ZFHX3: variants seen among roughly 807,000 people sequenced by gnomAD.
ZFHX3 encodes zinc finger homeobox 3.
A neutral mutation model predicts 279.1 loss-of-function variants in ZFHX3; 42 were observed. That is an observed-to-expected ratio of 0.15 (90% CI 0.12 to 0.19). The LOEUF is 0.19. Ranked by LOEUF, ZFHX3 falls within the 10% of genes least tolerant of loss-of-function variation. ZFHX3 has a pLI of 1.00. For missense variants in ZFHX3, 4,981 were observed against 4,754.0 expected (o/e 1.05, Z -1.40); for synonymous variants, 2,293 against 1,957.8 (o/e 1.17, Z -4.52).
intron 2 of ZFHX3, among the ~76,000 whole-genome samples, chr16:73,550,514 C>A (rs1046308442): frequency 5.9e-5 from 9 of 152,122 alleles, no homozygotes; most frequent in Admixed American, 1.3e-4. Flanking sequence ...TAAAACAGAA[C>A]TAAAACTAGT....
intron 1 of ZFHX3, among the ~76,000 whole-genome samples, chr16:73,024,487 TC>T (rs1964423548): frequency 6.6e-6 from 1 of 152,200 alleles, no homozygotes; most frequent in African/African-American, 2.4e-5. Context: ...ATTCTTCCTG[TC>T]CCTGATCTCC....
At position 73,801,461 on chromosome 16, in the gene ZFHX3, T is replaced by C. The variant is rs182487695; in HGVS notation, c.-1608+90190A>G. Among the ~76,000 whole-genome samples the C allele has an allele frequency of 7.2e-5, 11 of 152,300 alleles. No individual in the cohort carries two copies. The East Asian group carries it at 1.9e-3, about 27-fold the overall frequency. On this transcript the variant is annotated intron_variant, in intron 1 of 17. Transcript: ENST00000641206. ...CTACTGGTCCTCCAAAAAAATTGGTTTGCAACTAATTCTGCCAGCCAGGAG... is the reference window on the plus strand; with the variant it reads ...CTACTGGTCCTCCAAAAAAATTGGTCTGCAACTAATTCTGCCAGCCAGGAG...
At chr16:72,902,852 C>A (rs1191379082) in intron 3 of ZFHX3, among the ~76,000 whole-genome samples, 1 of 152,178 alleles carries the variant, frequency 6.6e-6, no homozygotes, top group African/African-American at 2.4e-5. Flanking sequence ...AAGGCTGAAC[C>A]TCAAAGTCTG....
chr16:73,186,426 T>C (rs1432643435), intron 5 of ZFHX3, among the ~76,000 whole-genome samples: 1 of 152,026 alleles, frequency 6.6e-6, no homozygotes, highest in Non-Finnish European at 1.5e-5. Context: ...GACAATAGCA[T>C]TTGCCTCGTA....
At chr16:73,590,717 G>C (rs762299307) in intron 2 of ZFHX3, among the ~76,000 whole-genome samples, 1 of 152,132 alleles carries the variant, frequency 6.6e-6, no homozygotes, top group African/African-American at 2.4e-5. Context: ...ATTTTGTTTA[G>C]TTTTGTTTTG....
At chr16:72,914,801 G>C (rs945114327) in intron 3 of ZFHX3, among the ~76,000 whole-genome samples, 20 of 152,048 alleles carry the variant, frequency 1.3e-4, no homozygotes, top group Admixed American at 6.6e-5. Context: ...GACAAGCTTG[G>C]CCAATACGGT....
chr16:72,991,730 ACACAAG>A (rs1410560278), intron 1 of ZFHX3, among the ~76,000 whole-genome samples: 1 of 152,226 alleles, frequency 6.6e-6, no homozygotes, highest in Non-Finnish European at 1.5e-5. Flanking sequence ...CCATGGTCAC[ACACAAG>A]TACTCAGACT....
intron 4 of ZFHX3, among the ~76,000 whole-genome samples, chr16:73,290,454 G>A (rs755925790): frequency 6.6e-6 from 1 of 152,190 alleles, no homozygotes; most frequent in Non-Finnish European, 1.5e-5. Flanking sequence ...GTGGGCAGGG[G>A]CCTGTTTAAT....
At chr16:73,627,718 A>C (rs529111132) in intron 2 of ZFHX3, among the ~76,000 whole-genome samples, 2 of 152,324 alleles carry the variant, frequency 1.3e-5, no homozygotes, top group South Asian at 4.1e-4. Flanking sequence ...GGAGATTAAG[A>C]CTATCCTGGC....
At chr16:73,199,478 A>T (rs1046321861) in intron 5 of ZFHX3, among the ~76,000 whole-genome samples, 8 of 152,174 alleles carry the variant, frequency 5.3e-5, no homozygotes, top group African/African-American at 1.9e-4. Flanking sequence ...ATCTTCTTTT[A>T]CCTTTTGACA....
chr16:73,414,487 T>C (rs1215191163), intron 3 of ZFHX3, among the ~76,000 whole-genome samples: 1 of 152,246 alleles, frequency 6.6e-6, no homozygotes, highest in Non-Finnish European at 1.5e-5. Context: ...TCACTTTCCC[T>C]GTGATTCTCC....
intron 2 of ZFHX3, among the ~76,000 whole-genome samples, chr16:73,512,413 A>G (rs1367660400): frequency 6.8e-6 from 1 of 146,234 alleles, no homozygotes; most frequent in Non-Finnish European, 1.5e-5. Flanking sequence ...ACTCCACTGC[A>G]CTCCAGCCTG....
chr16:73,080,199 C>T (rs1409406253), intron 8 of ZFHX3, among the ~76,000 whole-genome samples: 1 of 152,238 alleles, frequency 6.6e-6, no homozygotes, highest in African/African-American at 2.4e-5. Flanking sequence ...CTCCTCATTA[C>T]ACTTTTGCCC....
chr16:73,401,936 T>C (rs944961721), intron 3 of ZFHX3: 3 of 152,124 alleles, frequency 2.0e-5, no homozygotes, highest in Non-Finnish European at 4.4e-5. Flanking sequence ...CTCCAAAAAA[T>C]AACTGCATCC....
chr16:72,928,268 C>T (rs370049659), intron 3 of ZFHX3, among the ~76,000 whole-genome samples: 16 of 105,392 alleles, frequency 1.5e-4, no homozygotes, highest in South Asian at 1.3e-3. Flanking sequence ...ATGGAAAGAG[C>T]GGGTAGGAGG....
At chr16:73,730,118 A>G (rs1360226043) in intron 1 of ZFHX3, among the ~76,000 whole-genome samples, 1 of 152,142 alleles carries the variant, frequency 6.6e-6, no homozygotes, top group African/African-American at 2.4e-5. Flanking sequence ...AACAGAGAAG[A>G]CTACCATAGA....
At chr16:73,135,641 C>T (rs553080905) in intron 6 of ZFHX3, among the ~76,000 whole-genome samples, 3 of 151,708 alleles carry the variant, frequency 2.0e-5, no homozygotes, top group Non-Finnish European at 2.9e-5. Context: ...ATTCTATGTG[C>T]GGATGTTCGA....
chr16:73,162,534 T>C (rs1418786591), intron 5 of ZFHX3, among the ~76,000 whole-genome samples: 1 of 152,208 alleles, frequency 6.6e-6, no homozygotes, highest in Non-Finnish European at 1.5e-5. Flanking sequence ...TGATTCTACG[T>C]GATGGTGAGC....
intron 1 of ZFHX3, among the ~76,000 whole-genome samples, chr16:73,753,542 T>C (rs951592304): frequency 1.2e-4 from 19 of 152,200 alleles, no homozygotes; most frequent in South Asian, 8.3e-4. Context: ...TGGGTATAAA[T>C]ACAGTTGCCA....
Sources: allele counts gnomAD v4.1 joint callset (sites outside exome capture counted in the v4.1 genomes callset), GRCh38; gene constraint gnomAD v4.1.1; transcripts MANE v1.5; gene names NCBI Gene and HGNC (gene_info 2026-07-23, HGNC 2026-07-21).